The following ATOSA variants were observed in gnomAD, a reference collection of about 807,000 sequenced individuals.
The protein encoded by ATOSA is atos homolog A, also known as atos homolog protein A.
chr15:52,603,329 G>A, the ATOSA span, among the ~76,000 whole-genome samples: 13 of 152,182 alleles, frequency 8.5e-5, no homozygotes, highest in East Asian at 3.9e-4. Flanking sequence ...AGGCAATAAC[G>A]GATGCTGGCA....
chr15:52,585,077 C>A, the ATOSA span: 1 of 614,406 alleles, frequency 1.6e-6, no homozygotes, highest in East Asian at 3.0e-5. Context: ...GTTTCAAGGA[C>A]TAAAATTAAC....
At chr15:52,704,068 G>A in the ATOSA span, among the ~76,000 whole-genome samples, 1 of 152,014 alleles carries the variant, frequency 6.6e-6, no homozygotes, top group African/African-American at 2.4e-5. Context: ...TCATTACTTT[G>A]CACAAAAAGA....
At chr15:52,623,328 T>A in the ATOSA span, among the ~76,000 whole-genome samples, 164 of 152,218 alleles carry the variant, frequency 1.1e-3, no homozygotes, top group Middle Eastern at 3.4e-3. Context: ...TCACCCTGGC[T>A]GCTATGTGGA....
chr15:52,706,713 G>A, the ATOSA span, among the ~76,000 whole-genome samples: 5 of 152,146 alleles, frequency 3.3e-5, no homozygotes, highest in Non-Finnish European at 7.3e-5. Context: ...TCTATACAGA[G>A]AATAATTTAG....
the ATOSA span, among the ~76,000 whole-genome samples, chr15:52,702,762 G>GA: frequency 1.4e-4 from 7 of 51,292 alleles, no homozygotes; most frequent in Non-Finnish European, 2.3e-4. Context: ...TCTAAAAGTT[G>GA]AAAAAAAAAG....
chr15:52,634,752 C>T, the ATOSA span, among the ~76,000 whole-genome samples: 1 of 152,100 alleles, frequency 6.6e-6, no homozygotes, highest in African/African-American at 2.4e-5. Flanking sequence ...CAGGCACATG[C>T]CACCATGCCC....
the ATOSA span, among the ~76,000 whole-genome samples, chr15:52,595,085 C>G: frequency 1.3e-5 from 2 of 152,308 alleles, no homozygotes; most frequent in Admixed American, 1.3e-4. Flanking sequence ...GATTCCTGAA[C>G]AAATTTACCT....
the ATOSA span, among the ~76,000 whole-genome samples, chr15:52,705,954 A>G: frequency 2.0e-5 from 3 of 152,206 alleles, no homozygotes; most frequent in Non-Finnish European, 4.4e-5. Context: ...TTGTATTAAT[A>G]TACCATAATT....
chr15:52,582,916 G>T, the ATOSA span, among the ~76,000 whole-genome samples: 2 of 152,176 alleles, frequency 1.3e-5, no homozygotes, highest in Non-Finnish European at 2.9e-5. Context: ...GCAGGGATTT[G>T]GAATCTTCAC....
the ATOSA span, among the ~76,000 whole-genome samples, chr15:52,661,931 CAAAAAAAAAAA>C: frequency 2.7e-5 from 2 of 73,258 alleles, no homozygotes; most frequent in Non-Finnish European, 4.6e-5. Context: ...CAAGCCAGGC[CAAAAAAAAAAA>C]AAAAAAAAAA....
chr15:52,648,433 A>T, the ATOSA span, among the ~76,000 whole-genome samples: 9 of 152,174 alleles, frequency 5.9e-5, no homozygotes, highest in Non-Finnish European at 1.2e-4. Flanking sequence ...TAACTGGAAT[A>T]TCCATCACCA....
the ATOSA span, among the ~76,000 whole-genome samples, chr15:52,595,418 C>T: frequency 3.3e-5 from 5 of 151,822 alleles, no homozygotes; most frequent in Admixed American, 6.6e-5. Context: ...GAGGTACATA[C>T]AAAAATGTTT....
At chr15:52,611,459 ATC>A in the ATOSA span, 1 of 1,202,470 alleles carries the variant, frequency 8.3e-7, no homozygotes, top group Non-Finnish European at 1.2e-6. Context: ...TATAAATACT[ATC>A]TCAATTTTAT....
chr15:52,688,494 A>C, the ATOSA span, among the ~76,000 whole-genome samples: 1 of 150,850 alleles, frequency 6.6e-6, no homozygotes, highest in Non-Finnish European at 1.5e-5. Context: ...TCCTCAGAAT[A>C]GTTGGCAGGT....
the ATOSA span, among the ~76,000 whole-genome samples, chr15:52,636,479 C>T: frequency 6.6e-6 from 1 of 152,102 alleles, no homozygotes; most frequent in Admixed American, 6.6e-5. Context: ...GGTCCTAATC[C>T]CGTACAACTG....
At chr15:52,637,533 C>A in the ATOSA span, among the ~76,000 whole-genome samples, 1 of 152,186 alleles carries the variant, frequency 6.6e-6, no homozygotes, top group Non-Finnish European at 1.5e-5. Flanking sequence ...ATAGCTCTAA[C>A]CAAGTTTAGT....
the ATOSA span, chr15:52,629,558 C>G: frequency 3.1e-6 from 1 of 326,054 alleles, no homozygotes; most frequent in South Asian, 2.2e-5. Flanking sequence ...AATCCCAGCA[C>G]TTTGGCAGGC....
the ATOSA span, chr15:52,584,972 T>C: frequency 6.6e-7 from 1 of 1,525,078 alleles, no homozygotes. Flanking sequence ...AAATTATTCT[T>C]TAAAAATAGT....
At chr15:52,666,000 G>A in the ATOSA span, among the ~76,000 whole-genome samples, 53 of 152,036 alleles carry the variant, frequency 3.5e-4, no homozygotes, top group Non-Finnish European at 6.5e-4. Flanking sequence ...TAATATGTAC[G>A]TACATTTACA....
Sources: gnomAD v4.1 joint callset for allele counts (sites outside exome capture counted in the v4.1 genomes callset) on GRCh38, gnomAD v4.1.1 for gene constraint, MANE v1.5 for transcripts, NCBI Gene and HGNC (gene_info 2026-07-23, HGNC 2026-07-21) for gene names.